PALM: variants seen among roughly 807,000 people sequenced by gnomAD.
PALM encodes paralemmin.
PALM carries 18 observed loss-of-function variants against 30.7 expected under a neutral mutation model. That is an observed-to-expected ratio of 0.59 (90% CI 0.41 to 0.87). PALM has a LOEUF of 0.87. Among genes scored for constraint, PALM ranks in the 40% least tolerant of loss-of-function variants. PALM has a pLI of 0.00. For synonymous variants in PALM, 286 were observed against 242.8 expected, an observed-to-expected ratio of 1.18 and a Z score of -1.66; for missense variants, 529 against 555.4, an observed-to-expected ratio of 0.95 and a Z score of 0.48.
intron 7 of PALM, among the ~76,000 whole-genome samples, chr19:737,453 A>G (rs987415221): frequency 6.6e-6 from 1 of 152,236 alleles, no homozygotes; most frequent in African/African-American, 2.4e-5. Context: ...CATGCCAGGC[A>G]TTGGGGGAGA....
intron 1 of PALM, among the ~76,000 whole-genome samples, chr19:710,575 G>A (rs2032041269): frequency 6.6e-6 from 1 of 152,100 alleles, no homozygotes; most frequent in African/African-American, 2.4e-5. Flanking sequence ...CGAACACTCC[G>A]GGTCGGGCCC....
chr19:727,176 C>CCTG (rs1217109974), intron 3 of PALM, 88 bp downstream of exon 3: 2 of 871,942 alleles, frequency 2.3e-6, no homozygotes, highest in Admixed American at 2.1e-5. Flanking sequence ...TGACCCTGAC[C>CCTG]CCAATCCCAA....
chr19:721,718 C>T (rs549291847), intron 1 of PALM, among the ~76,000 whole-genome samples: 7 of 152,020 alleles, frequency 4.6e-5, no homozygotes, highest in African/African-American at 1.7e-4. Flanking sequence ...CTGCCTCAGC[C>T]TCCTGAGTAG....
chr19:712,680 G>GT (rs35278731), intron 1 of PALM, among the ~76,000 whole-genome samples: 36,946 of 148,838 alleles, frequency 0.25, 4,956 homozygotes, highest in Non-Finnish European at 0.3. Flanking sequence ...GCCATGCCTG[G>GT]TTTTTTTTTA....
chr19:725,726 C>T (rs958470090), intron 1 of PALM, among the ~76,000 whole-genome samples: 46 of 151,726 alleles, frequency 3.0e-4, no homozygotes, highest in Non-Finnish European at 5.6e-4. Flanking sequence ...GTTTGCCCCT[C>T]CTGGGGCTGC....
intron 2 of PALM, 52 bp from the exon 3 acceptor site, chr19:726,956 G>A (rs1166295459): frequency 2.0e-5 from 22 of 1,100,658 alleles, no homozygotes; most frequent in Non-Finnish European, 2.9e-5. Flanking sequence ...GGGGTGGGGG[G>A]GTCTCCGGGA....
At chr19:743,967 G>A (rs1330339215) in intron 8 of PALM, among the ~76,000 whole-genome samples, 1 of 152,192 alleles carries the variant, frequency 6.6e-6, no homozygotes, top group East Asian at 1.9e-4. Context: ...TGCCAAGGAG[G>A]TTTTAGGACT....
At chr19:717,622 G>C (rs1049522249) in intron 1 of PALM, among the ~76,000 whole-genome samples, 1 of 152,152 alleles carries the variant, frequency 6.6e-6, no homozygotes, top group Non-Finnish European at 1.5e-5. Context: ...CTTGTGCTCT[G>C]TTCACACTGA....
At chr19:717,486 T>C (rs2238552) in intron 1 of PALM, among the ~76,000 whole-genome samples, 58,899 of 151,892 alleles carry the variant, frequency 0.39, 13,066 homozygotes, top group East Asian at 0.63. Context: ...AGAGCCTCGC[T>C]CCTGTTCACG....
At position 709,208 on chromosome 19, in the gene PALM, AG is replaced by A. The variant is rs1568215437; in HGVS notation, c.5+63del. Reference sequence around the variant, plus strand: ...GGGCCCGGAGCTCCGGGAGCCGGGGAGGGGGGAGGCCCCCTCTCTCGCGCCC... The same window carrying A: ...GGGCCCGGAGCTCCGGGAGCCGGGGAGGGGGAGGCCCCCTCTCTCGCGCCC... On this transcript the variant is annotated intron_variant, in intron 1 of 8. Transcript: ENST00000338448. The surrounding 1 kb of genome is among the most constrained non-coding windows in gnomAD (Gnocchi z 4.3). 5.1e-5 allele frequency: 15 copies of A among 292,574 alleles called. No individual in the cohort carries two copies. Among genetic ancestry groups the A allele is most frequent in the South Asian group, 1.5e-4 (1 of 6,806 alleles). 18.1% of individuals were successfully genotyped at this position (292,574 alleles called of 1,614,324 possible).
intron 3 of PALM, 110 bp from the exon 4 acceptor site, chr19:727,454 C>G (rs912424618): frequency 4.3e-5 from 36 of 846,642 alleles, no homozygotes; most frequent in Admixed American, 8.7e-5. Context: ...CTGACCCCAA[C>G]CTTGGTCCTG....
At chr19:713,702 C>A (rs543642893) in intron 1 of PALM, among the ~76,000 whole-genome samples, 1 of 152,052 alleles carries the variant, frequency 6.6e-6, no homozygotes, top group South Asian at 2.1e-4. Flanking sequence ...CCTCAGCCTC[C>A]CAAGCCGCTG....
At chr19:729,829 A>G (rs2032814373) in intron 4 of PALM, among the ~76,000 whole-genome samples, 1 of 152,148 alleles carries the variant, frequency 6.6e-6, no homozygotes. Flanking sequence ...CGGGATGTTC[A>G]GACCGAGGTG....
intron 1 of PALM, among the ~76,000 whole-genome samples, chr19:714,919 C>A (rs569593195): frequency 7.2e-5 from 11 of 152,224 alleles, no homozygotes; most frequent in Middle Eastern, 3.4e-3. Context: ...CCTCCCAAAG[C>A]GCTGGGAGTA....
chr19:726,085 G>T, intron 1 of PALM, 53 bp from the exon 2 acceptor site: 1 of 1,419,244 alleles, frequency 7.0e-7, no homozygotes, highest in South Asian at 1.1e-5. Flanking sequence ...AACCGCGTCT[G>T]ACGGACAGCA....
At chr19:743,428 CTT>C (rs1386488317) in intron 8 of PALM, among the ~76,000 whole-genome samples, 6 of 152,204 alleles carry the variant, frequency 3.9e-5, no homozygotes, top group Admixed American at 6.5e-5. Context: ...CAATTCCTGT[CTT>C]GGGGCAGCGG....
chr19:712,297 G>A (rs1310478987), intron 1 of PALM, among the ~76,000 whole-genome samples: 1 of 151,328 alleles, frequency 6.6e-6, no homozygotes, highest in African/African-American at 2.4e-5. Flanking sequence ...GTGTTGGGAT[G>A]AAAGGCGTGA....
intron 1 of PALM, among the ~76,000 whole-genome samples, chr19:718,113 C>T (rs1227771417): frequency 3.3e-5 from 5 of 151,990 alleles, no homozygotes; most frequent in African/African-American, 7.3e-5. Context: ...ACCCAGGAGG[C>T]GGAGGTTGCA....
At chr19:719,405 G>A in intron 1 of PALM, 1 of 985,388 alleles carries the variant, frequency 1.0e-6, no homozygotes, top group Non-Finnish European at 1.2e-6. Context: ...CGGGCCCCGA[G>A]CCGCCCACAC....
Sources: gnomAD v4.1 joint callset for allele counts (sites outside exome capture counted in the v4.1 genomes callset) on GRCh38, gnomAD v4.1.1 for gene constraint, Gnocchi (gnomAD v3.1) non-coding constraint, MANE v1.5 for transcripts, NCBI Gene and HGNC (gene_info 2026-07-23, HGNC 2026-07-21) for gene names.